ZFR2: variants seen among roughly 807,000 people sequenced by gnomAD.
ZFR2 encodes zinc finger RNA-binding protein 2.
A neutral mutation model predicts 105.7 loss-of-function variants in ZFR2; 104 were observed. That is an observed-to-expected ratio of 0.98 (90% CI 0.84 to 1.16). ZFR2 has a LOEUF of 1.16. ZFR2 is among the 50% of genes most tolerant of loss of function. ZFR2 has a pLI of 0.00. For missense variants in ZFR2, 1,425 were observed against 1,355.5 expected, an observed-to-expected ratio of 1.05 and a Z score of -0.80; for synonymous variants, 634 against 597.7, an observed-to-expected ratio of 1.06 and a Z score of -0.89.
In ZFR2 at chr19:3,822,146, T is replaced by C. The variant is rs777627266; in HGVS notation, c.1426A>G (p.Ser476Gly). The part of the protein sequence containing the change: ...LRFHCKLCEC[S>G]FNDLNAKDLH... ...TCCTTCGCGTTAAGGTCGTTGAAACTGCACTCGCACAGCTTGCAGTGGAAG... is the reference window on the plus strand; with the variant it reads ...TCCTTCGCGTTAAGGTCGTTGAAACCGCACTCGCACAGCTTGCAGTGGAAG... Residue 476 changes from serine to glycine, a missense_variant, in exon 9 of 19, where the codon AGT becomes GGT. By Grantham distance (56) the Ser-to-Gly change is moderately conservative. Coordinates refer to ENST00000262961, the MANE Select transcript of ZFR2 (RefSeq NM_015174.2). 5 of 1,609,948 alleles carry C rather than the reference T, an allele frequency of 3.1e-6. No homozygotes were observed. The Admixed American group carries it at 6.7e-5, about 22-fold the overall frequency.
rs748095720 is a variant in ZFR2 at position 3,813,315 on chromosome 19, G to A, written c.2242+505C>T. On this transcript the variant is annotated intron_variant, in intron 14 of 18. Transcript: ENST00000262961. The surrounding 1 kb of genome is among the most constrained non-coding windows in gnomAD (Gnocchi z 4.4). ...GTGGCCGCTGGCCAAGACCCTCGCT[G>A]CCCCTAGCCTGGCCCGGCCCCTCAC... 7.9e-5 allele frequency among the ~76,000 whole-genome samples: 12 copies of A among 152,196 alleles called. No homozygotes were observed. The highest frequency in any genetic ancestry group is 1.2e-4 in the Non-Finnish European group (8 of 68,038).
At chr19:3,818,984 C>A in intron 12 of ZFR2, 61 bp downstream of exon 12, 1 of 1,560,584 alleles carries the variant, frequency 6.4e-7, no homozygotes, top group African/African-American at 1.4e-5. Flanking sequence ...GGTCTCGTCC[C>A]GAGGAGCTGA....
At chr19:3,826,965 C>T (rs562770882) in intron 6 of ZFR2, among the ~76,000 whole-genome samples, 23 of 151,992 alleles carry the variant, frequency 1.5e-4, no homozygotes, top group African/African-American at 3.1e-4. Context: ...AAGGAGTCCC[C>T]GCACGGTGGC....
chr19:3,819,287 A>G, intron 11 of ZFR2, 52 bp from the exon 12 acceptor site: 1 of 1,416,396 alleles, frequency 7.1e-7, no homozygotes, highest in African/African-American at 1.6e-5. Flanking sequence ...ACCCTTGGGG[A>G]GTGCTGGGCA....
intron 10 of ZFR2, 111 bp from the exon 11 acceptor site, chr19:3,820,401 G>T: frequency 9.9e-7 from 1 of 1,010,854 alleles, no homozygotes; most frequent in Non-Finnish European, 1.4e-6. Context: ...AAGGGCCAAA[G>T]CTCTTGCTGG....
chr19:3,855,446 C>G, intron 1 of ZFR2: 1 of 1,231,714 alleles, frequency 8.1e-7, no homozygotes, highest in Non-Finnish European at 1.0e-6. Flanking sequence ...GCGGCAGATT[C>G]ATTGAGTCAT....
intron 17 of ZFR2, among the ~76,000 whole-genome samples, chr19:3,808,173 C>A (rs2037722802): frequency 7.0e-6 from 1 of 143,226 alleles, no homozygotes; most frequent in African/African-American, 2.6e-5. Flanking sequence ...ATGTGTGTGC[C>A]TGTGCGTGTG....
chr19:3,823,260 C>T lies in ZFR2; in HGVS notation c.1357G>A (p.Glu453Lys), dbSNP rs764851611. The T allele has an allele frequency of 3.7e-6, 6 of 1,613,856 alleles. 1 individual carries two copies. The highest frequency in any genetic ancestry group is 1.3e-5 in the African/African-American group (1 of 74,938). Residue 453 changes from glutamate to lysine, a missense_variant, in exon 8 of 19, where the codon GAA becomes AAA. Glu to Lys is a moderately conservative substitution (Grantham distance 56, BLOSUM62 1). Transcript: ENST00000262961. This position sits in a 1 kb window ranked among gnomAD's most constrained non-coding sequence, Gnocchi z 5.4. ...CCTCGACTTACCTCCTCCACATATT[C>T]CGGGCCCACCGGCTGCGCATCAGAG... ...GCSDAQPVGPEYVEEVFSDEG... is the reference protein window; with the variant it reads ...GCSDAQPVGPKYVEEVFSDEG...
In ZFR2 at chr19:3,834,467, G is replaced by A. The variant is rs117038433; in HGVS notation, c.264+306C>T. 5.3e-4 allele frequency among the ~76,000 whole-genome samples: 81 copies of A among 152,196 alleles called. No homozygotes were observed. The East Asian group carries it at 0.014, about 25-fold the overall frequency. On this transcript the variant is annotated intron_variant, in intron 2 of 18. Coordinates refer to ENST00000262961, the MANE Select transcript of ZFR2 (RefSeq NM_015174.2). The surrounding 1 kb of genome is among the most constrained non-coding windows in gnomAD (Gnocchi z 5.3). ...CAGGGAGGGGTCCTGTAACCCAGGC[G>A]ACCCTCCTCCTCCTTCATAGTCACT... is the stretch of plus-strand genomic sequence containing the variant.
In ZFR2 at chr19:3,805,708, GT is replaced by G; in HGVS notation, c.*240del. The G allele has an allele frequency of 4.5e-6, 2 of 445,240 alleles. No homozygotes were observed. Among genetic ancestry groups the G allele is most frequent in the African/African-American group, 4.1e-5 (2 of 48,896 alleles). The allele number at this position is 445,240 out of a possible 1,614,324, so 27.6% of individuals were successfully genotyped here. ...TTTGGAGAGATGGGGGTCTCACTCT[GT>G]TGTCTGGGCTGGCCTTGAACTCTCA... On this transcript the variant is annotated 3_prime_UTR_variant, in exon 19 of 19. Coordinates refer to ENST00000262961, the MANE Select transcript of ZFR2 (RefSeq NM_015174.2).
rs1568427099 is a variant in ZFR2 at position 3,837,532 on chromosome 19, A to ACCGTGACACTCGATGAACACCG, written c.54-2550_54-2549insCGGTGTTCATCGAGTGTCACGG. Among the ~76,000 whole-genome samples the ACCGTGACACTCGATGAACACCG allele has an allele frequency of 3.3e-5, 5 of 149,416 alleles. 1 individual carries two copies. The highest frequency in any genetic ancestry group is 9.9e-5 in the African/African-American group (4 of 40,500). On this transcript the variant is annotated intron_variant, in intron 1 of 18. Transcript: ENST00000262961. Reference sequence around the variant, plus strand: ...GTGACCGTGACACTCGATGAACACCATGACCGTGACACTCGATGAACACCG... The same window carrying ACCGTGACACTCGATGAACACCG: ...GTGACCGTGACACTCGATGAACACCACCGTGACACTCGATGAACACCGTGACCGTGACACTCGATGAACACCG...
intron 1 of ZFR2, among the ~76,000 whole-genome samples, chr19:3,846,931 T>A (rs1028680752): frequency 6.6e-6 from 1 of 152,214 alleles, no homozygotes; most frequent in Non-Finnish European, 1.5e-5. Flanking sequence ...GATCAGGAAT[T>A]TGGGACGGGC....
At position 3,809,538 on chromosome 19, in the gene ZFR2, G is replaced by A. The variant is rs35192390; in HGVS notation, c.2434-555C>T. On this transcript the variant is annotated intron_variant, in intron 16 of 18. Coordinates refer to ENST00000262961, the MANE Select transcript of ZFR2 (RefSeq NM_015174.2). ...CCTCTACAGTCACAGCAGGAAAACAGGTCTCAGGGAACACAGGCTTTCTCC... is the reference window on the plus strand; with the variant it reads ...CCTCTACAGTCACAGCAGGAAAACAAGTCTCAGGGAACACAGGCTTTCTCC... 6.7e-4 allele frequency among the ~76,000 whole-genome samples: 102 copies of A among 152,298 alleles called. No homozygotes were observed. The Middle Eastern group carries it at 0.017, about 25-fold the overall frequency.
chr19:3,813,739 C>G lies in ZFR2; in HGVS notation c.2242+81G>C. 1 of 1,572,708 alleles carries G rather than the reference C, an allele frequency of 6.4e-7. No individual in the cohort carries two copies. Among genetic ancestry groups the G allele is most frequent in the Non-Finnish European group, 8.6e-7 (1 of 1,157,032 alleles). ...ATTTCCTGCTCAGGGCAGAGGCGGA[C>G]GCTGCCCCAGGCCTGGGTGTGGGGA... is the stretch of plus-strand genomic sequence containing the variant. On this transcript the variant is annotated intron_variant, in intron 14 of 18. Transcript: ENST00000262961. This position sits in a 1 kb window ranked among gnomAD's most constrained non-coding sequence, Gnocchi z 4.4.
At chr19:3,832,156 C>T (rs1187374054) in intron 3 of ZFR2, among the ~76,000 whole-genome samples, 1 of 152,132 alleles carries the variant, frequency 6.6e-6, no homozygotes, top group African/African-American at 2.4e-5. Flanking sequence ...CCACAGAGCT[C>T]ACCTCCTGCC....
rs1228931330 is a variant in ZFR2, at chr19:3,838,116, G to GATGAACACCGTGACTGTGACACACA, written c.54-3158_54-3134dup. ...GATGAACACCGTGACCGTGACACTCGATGAACACCGTGACTGTGACACACA... is the reference window on the plus strand; with the variant it reads ...GATGAACACCGTGACCGTGACACTCGATGAACACCGTGACTGTGACACACAATGAACACCGTGACTGTGACACACA... On this transcript the variant is annotated intron_variant, in intron 1 of 18. Transcript: ENST00000262961. The surrounding 1 kb of genome is among the most constrained non-coding windows in gnomAD (Gnocchi z 4.9). 0.011 allele frequency among the ~76,000 whole-genome samples: 1,689 copies of GATGAACACCGTGACTGTGACACACA among 150,162 alleles called. 56 individuals carry two copies. Among genetic ancestry groups the GATGAACACCGTGACTGTGACACACA allele is most frequent in the Admixed American group, 0.066 (992 of 14,982 alleles).
chr19:3,818,935 C>A, intron 12 of ZFR2, 110 bp downstream of exon 12: 1 of 1,366,986 alleles, frequency 7.3e-7, no homozygotes, highest in Non-Finnish European at 9.7e-7. Context: ...CGCGGGCCAC[C>A]GACGGCTCCA....
At chr19:3,850,017 G>T (rs12609124) in intron 1 of ZFR2, among the ~76,000 whole-genome samples, 2 of 151,998 alleles carry the variant, frequency 1.3e-5, no homozygotes, top group Admixed American at 1.3e-4. Context: ...GTGACATCAG[G>T]CAAGATACCC....
At chr19:3,811,154 C>A in intron 15 of ZFR2, 118 bp downstream of exon 15, 2 of 1,023,054 alleles carry the variant, frequency 2.0e-6, no homozygotes, top group South Asian at 3.4e-5. Context: ...TGGCAGGCGT[C>A]CCGGTCTGCG....
Sources: gnomAD v4.1 joint callset for allele counts (sites outside exome capture counted in the v4.1 genomes callset) on GRCh38, gnomAD v4.1.1 for gene constraint, Gnocchi (gnomAD v3.1) non-coding constraint, MANE v1.5 for transcripts, NCBI Gene and HGNC (gene_info 2026-07-23, HGNC 2026-07-21) for gene names.